DGLUCY: variants seen among roughly 807,000 people sequenced by gnomAD.
The protein encoded by DGLUCY is D-glutamate cyclase, mitochondrial.
DGLUCY carries 58 observed loss-of-function variants against 58.5 expected under a neutral mutation model. That is an observed-to-expected ratio of 0.99 (90% CI 0.80 to 1.23). DGLUCY has a LOEUF of 1.23. Ranked by LOEUF, DGLUCY falls within the 50% of genes most tolerant of loss-of-function variation. The probability of loss-of-function intolerance (pLI) is 0.00; values close to 1 mark genes in which losing one functional copy is unlikely to be tolerated. For synonymous variants in DGLUCY, 325 were observed against 314.1 expected, an observed-to-expected ratio of 1.03 and a Z score of -0.37; for missense variants, 779 against 784.7, an observed-to-expected ratio of 0.99 and a Z score of 0.09.
At chr14:91,205,797 C>CTTCTTCTTCTT (rs1884530763) in intron 12 of DGLUCY, among the ~76,000 whole-genome samples, 1 of 66,330 alleles carries the variant, frequency 1.5e-5, no homozygotes, top group African/African-American at 5.7e-5. Context: ...TTCTTCTTCT[C>CTTCTTCTTCTT]CGTCTCCTTC....
intron 1 of DGLUCY, among the ~76,000 whole-genome samples, chr14:91,079,745 TG>T (rs2044093017): frequency 6.6e-6 from 1 of 152,194 alleles, no homozygotes; most frequent in Non-Finnish European, 1.5e-5. Context: ...CATATCAAAT[TG>T]TTGTACTAGA....
At chr14:91,060,425 C>T in exon 1 of DGLUCY, 3 of 1,492,602 alleles carry the variant, frequency 2.0e-6, no homozygotes, top group East Asian at 5.4e-5. Flanking sequence ...CTGCCACCCT[C>T]CTCCTCCATC....
intron 13 of DGLUCY, among the ~76,000 whole-genome samples, chr14:91,222,936 C>T (rs1431450581): frequency 5.3e-5 from 8 of 152,164 alleles, no homozygotes; most frequent in Admixed American, 5.2e-4. Flanking sequence ...TTGCTGAGTC[C>T]GCATGTGGTG....
intron 7 of DGLUCY, among the ~76,000 whole-genome samples, chr14:91,180,667 G>A (rs768671179): frequency 2.0e-5 from 3 of 151,750 alleles, no homozygotes; most frequent in Non-Finnish European, 2.9e-5. Context: ...CTATGCTAGA[G>A]TGTTTCACAT....
upstream of DGLUCY, among the ~76,000 whole-genome samples, chr14:91,106,165 C>T (rs760695611): frequency 4.7e-4 from 71 of 150,062 alleles, no homozygotes; most frequent in Non-Finnish European, 8.2e-4. Context: ...AAAATTAGCC[C>T]GGCATGGTGA....
At chr14:91,190,593 T>C (rs1437721071) in intron 9 of DGLUCY, among the ~76,000 whole-genome samples, 6 of 151,886 alleles carry the variant, frequency 4.0e-5, no homozygotes, top group Non-Finnish European at 8.8e-5. Flanking sequence ...TTGGGCTGGC[T>C]GAGGGAAGGG....
chr14:91,196,904 T>G (rs1209959101), intron 10 of DGLUCY, among the ~76,000 whole-genome samples: 1 of 152,178 alleles, frequency 6.6e-6, no homozygotes, highest in African/African-American at 2.4e-5. Context: ...TGGCAAGTAC[T>G]CCCTCATAAG....
rs1458521132 is a variant in DGLUCY at position 91,160,354 on chromosome 14, A to G, written c.60A>G (p.Leu20=). Residue 20 remains leucine, a synonymous_variant, in exon 3 of 14, where the codon CTA becomes CTG. Transcript: ENST00000256324. ...RLPSAIRSLI[L]QKKPNIRNTS... is the part of the protein sequence containing the mutation. Reference sequence around the variant, plus strand: ...CCTCTGCCATAAGGAGTTTGATTCTACAAAAGAAACCAAACATCAGAAATA... The same window carrying G: ...CCTCTGCCATAAGGAGTTTGATTCTGCAAAAGAAACCAAACATCAGAAATA... The G allele has an allele frequency of 7.4e-6, 12 of 1,610,880 alleles. No individual in the cohort carries two copies. The highest frequency in any genetic ancestry group is 5.0e-5 in the Admixed American group (3 of 59,526).
chr14:91,154,083 T>A (rs991065732), intron 1 of DGLUCY, among the ~76,000 whole-genome samples: 8 of 152,144 alleles, frequency 5.3e-5, no homozygotes, highest in Non-Finnish European at 1.0e-4. Flanking sequence ...TTTTTGTATA[T>A]TTAGTAAAGA....
chr14:91,214,185 C>T (rs887886010), intron 12 of DGLUCY, among the ~76,000 whole-genome samples: 3 of 152,150 alleles, frequency 2.0e-5, no homozygotes, highest in Non-Finnish European at 4.4e-5. Context: ...TCCATGCTCC[C>T]ATAATTCTGC....
chr14:91,204,119 CTAAT>C (rs1160448871), intron 11 of DGLUCY, among the ~76,000 whole-genome samples: 1 of 152,202 alleles, frequency 6.6e-6, no homozygotes, highest in Non-Finnish European at 1.5e-5. Context: ...ATTTATTACA[CTAAT>C]TAACAAATTC....
intron 1 of DGLUCY, among the ~76,000 whole-genome samples, chr14:91,121,379 A>G (rs2045347155): frequency 1.3e-5 from 2 of 152,208 alleles, no homozygotes; most frequent in South Asian, 4.1e-4. Context: ...GGATGTCTGT[A>G]ACTCTTTCTT....
chr14:91,078,557 G>C (rs1476056727), intron 1 of DGLUCY, among the ~76,000 whole-genome samples: 1 of 152,148 alleles, frequency 6.6e-6, no homozygotes, highest in African/African-American at 2.4e-5. Context: ...CTGTGAACCA[G>C]CATGTGCCTC....
Position 91,143,943 on chromosome 14 carries a change from T to G in DGLUCY, c.-81-13696T>G, listed in dbSNP as rs147449287. Among the ~76,000 whole-genome samples, 39 of 152,200 alleles carry G rather than the reference T, an allele frequency of 2.6e-4. No homozygotes were observed. The East Asian group carries it at 3.3e-3, about 13-fold the overall frequency. On this transcript the variant is annotated intron_variant, in intron 1 of 13. Transcript: ENST00000256324. ...GAGTCAATTATTAAACCTAAAGGCC[T>G]TGTCCTTTCCATCCAGCTCTGTGCC... is the stretch of plus-strand genomic sequence containing the variant.
rs984426269 is a variant in DGLUCY, at chr14:91,170,333, T to C, written c.456+132T>C. 10 of 1,002,754 alleles carry C rather than the reference T, an allele frequency of 1.0e-5. No individual in the cohort carries two copies. In the African/African-American group the frequency reaches 1.6e-4, roughly 16 times the overall value. 62.1% of individuals were successfully genotyped at this position (1,002,754 alleles called of 1,614,324 possible). A position where few individuals can be genotyped will look rare whatever the true frequency, so the allele number is the denominator to read the frequency against. Reference sequence around the variant, plus strand: ...AAGCTCCAGCCCCAGCTCAGCCATTTCTAGCTGTGCAACCCAGGAGAAATG... The same window carrying C: ...AAGCTCCAGCCCCAGCTCAGCCATTCCTAGCTGTGCAACCCAGGAGAAATG... On this transcript the variant is annotated intron_variant, in intron 5 of 13. Coordinates refer to ENST00000256324, the MANE Select transcript of DGLUCY (RefSeq NM_001102368.3).
chr14:91,186,700 C>T (rs567666002), intron 8 of DGLUCY, among the ~76,000 whole-genome samples: 3 of 152,130 alleles, frequency 2.0e-5, no homozygotes, highest in African/African-American at 7.2e-5. Context: ...ACAGTGGGCA[C>T]GAGAAGTGAC....
At chr14:91,147,363 C>T (rs917227277) in intron 1 of DGLUCY, among the ~76,000 whole-genome samples, 2 of 152,128 alleles carry the variant, frequency 1.3e-5, no homozygotes, top group African/African-American at 4.8e-5. Flanking sequence ...GAAAGCCGAG[C>T]AAGGTAGGGC....
chr14:91,180,144 C>T (rs1259996890), intron 7 of DGLUCY, among the ~76,000 whole-genome samples: 3 of 151,694 alleles, frequency 2.0e-5, no homozygotes, highest in Non-Finnish European at 4.4e-5. Context: ...CCCTCCTTGG[C>T]CTCCCAAAGT....
In DGLUCY at chr14:91,069,709, C is replaced by T. The variant is rs113948812; in HGVS notation, c.-82+9005C>T. Among the ~76,000 whole-genome samples, 647 of 152,240 alleles carry T rather than the reference C, an allele frequency of 4.2e-3. 6 individuals are homozygous for T. The highest frequency in any genetic ancestry group is 0.015 in the African/African-American group (622 of 41,544). On this transcript the variant is annotated intron_variant, in intron 1 of 4. Transcript: ENST00000521334. ...CACATGGGCTGAAGCCATCCTCCCA[C>T]CTCAGCCTTCCAAGTAGCTGGAACT... is the stretch of plus-strand genomic sequence containing the variant.
Sources: gnomAD v4.1 joint callset for allele counts (sites outside exome capture counted in the v4.1 genomes callset) on GRCh38, gnomAD v4.1.1 for gene constraint, MANE v1.5 for transcripts, NCBI Gene and HGNC (gene_info 2026-07-23, HGNC 2026-07-21) for gene names.